ZFHX3: variants seen among roughly 807,000 people sequenced by gnomAD.
The protein encoded by ZFHX3 is zinc finger homeobox protein 3.
ZFHX3 carries 42 observed loss-of-function variants against 279.1 expected under a neutral mutation model. That is an observed-to-expected ratio of 0.15 (90% CI 0.12 to 0.19). The LOEUF (loss-of-function observed/expected upper bound fraction) is 0.19. ZFHX3 is among the 10% of genes least tolerant of loss of function. ZFHX3 has a pLI of 1.00. For missense variants in ZFHX3, 4,981 were observed against 4,754.0 expected (o/e 1.05, Z -1.40); for synonymous variants, 2,293 against 1,957.8 (o/e 1.17, Z -4.52).
chr16:73,775,686 T>C (rs1959226905), intron 1 of ZFHX3, among the ~76,000 whole-genome samples: 1 of 152,176 alleles, frequency 6.6e-6, no homozygotes, highest in Non-Finnish European at 1.5e-5. Context: ...CGGCTCTACC[T>C]TACCCCAGAG....
intron 1 of ZFHX3, among the ~76,000 whole-genome samples, chr16:73,695,865 G>C (rs1242995610): frequency 1.3e-5 from 2 of 152,054 alleles, no homozygotes; most frequent in East Asian, 1.9e-4. Context: ...TCACACCCAG[G>C]CTCGGCAAGA....
At chr16:73,599,042 T>A (rs1187364226) in intron 2 of ZFHX3, among the ~76,000 whole-genome samples, 3 of 152,164 alleles carry the variant, frequency 2.0e-5, no homozygotes, top group Admixed American at 6.5e-5. Context: ...ATTACAGGTG[T>A]GAGCCACCAC....
chr16:72,836,929 T>A (rs1484098654), intron 4 of ZFHX3, among the ~76,000 whole-genome samples: 1 of 152,054 alleles, frequency 6.6e-6, no homozygotes, highest in Non-Finnish European at 1.5e-5. Context: ...TCATCAGAAG[T>A]GTAATATTTT....
At chr16:72,996,115 CA>C (rs1214001814) in intron 1 of ZFHX3, among the ~76,000 whole-genome samples, 1 of 151,668 alleles carries the variant, frequency 6.6e-6, no homozygotes, top group African/African-American at 2.4e-5. Context: ...TAAACACACA[CA>C]CACACACACA....
chr16:73,607,319 G>C (rs7201470), intron 2 of ZFHX3, among the ~76,000 whole-genome samples: 21,560 of 152,176 alleles, frequency 0.14, 2,105 homozygotes, highest in African/African-American at 0.27. Context: ...GAGCCACCAT[G>C]CCCAGCCGAT....
At chr16:72,820,423 A>G (rs747428531) in intron 5 of ZFHX3, among the ~76,000 whole-genome samples, 1 of 152,216 alleles carries the variant, frequency 6.6e-6, no homozygotes, top group Non-Finnish European at 1.5e-5. Flanking sequence ...TCAGGTTTGC[A>G]AATGAACCAC....
At chr16:73,870,470 C>T (rs1220044980) in intron 1 of ZFHX3, among the ~76,000 whole-genome samples, 1 of 152,176 alleles carries the variant, frequency 6.6e-6, no homozygotes, top group Non-Finnish European at 1.5e-5. Flanking sequence ...AAAGCCAAAG[C>T]GGCTTCACAC....
chr16:73,780,071 G>GGAC (rs1959405654), intron 1 of ZFHX3, among the ~76,000 whole-genome samples: 1 of 138,384 alleles, frequency 7.2e-6, no homozygotes, highest in East Asian at 2.4e-4. Context: ...CTGCCACCAG[G>GGAC]GACTCCTTCC....
At chr16:73,598,182 T>C (rs777654748) in intron 2 of ZFHX3, among the ~76,000 whole-genome samples, 2 of 152,150 alleles carry the variant, frequency 1.3e-5, no homozygotes, top group African/African-American at 2.4e-5. Context: ...ATGAGACATA[T>C]AAGACTTCTC....
At chr16:73,541,682 TGAGA>T (rs955745948) in intron 2 of ZFHX3, among the ~76,000 whole-genome samples, 3 of 151,422 alleles carry the variant, frequency 2.0e-5, no homozygotes, top group African/African-American at 4.9e-5. Flanking sequence ...GACGCTTGGA[TGAGA>T]GAGAGGCGGC....
At chr16:73,884,329 C>T (rs2030277708) in intron 1 of ZFHX3, among the ~76,000 whole-genome samples, 1 of 152,038 alleles carries the variant, frequency 6.6e-6, no homozygotes, top group African/African-American at 2.4e-5. Context: ...ATAAAGAAGT[C>T]CTGAAAAACT....
intron 2 of ZFHX3, among the ~76,000 whole-genome samples, chr16:73,616,116 G>A (rs1279477475): frequency 6.6e-6 from 1 of 151,886 alleles, no homozygotes; most frequent in African/African-American, 2.4e-5. Flanking sequence ...TCACCACTCT[G>A]GGGCTCTCTG....
chr16:73,563,170 T>TTGTGTGTG (rs200933190), intron 2 of ZFHX3, among the ~76,000 whole-genome samples: 107 of 134,952 alleles, frequency 7.9e-4, no homozygotes, highest in East Asian at 2.5e-3. Flanking sequence ...TTTTGTTTTG[T>TTGTGTGTG]TGTGTGTGTG....
chr16:73,641,990 G>C (rs535902753), intron 2 of ZFHX3, among the ~76,000 whole-genome samples: 7 of 151,890 alleles, frequency 4.6e-5, no homozygotes, highest in African/African-American at 1.7e-4. Context: ...ATGCTCCTCC[G>C]ACTCCTCCCT....
Position 72,795,663 on chromosome 16 carries a change from A to G in ZFHX3, c.7019T>C (p.Ile2340Thr). 1 of 1,614,026 alleles carries G rather than the reference A, an allele frequency of 6.2e-7. No individual in the cohort carries two copies. The highest frequency in any genetic ancestry group is 1.1e-5 in the South Asian group (1 of 91,070). ...CTTCTGGTGCTTGATGAGATCAAAG[A>G]TGCGCTGAAACACCAGGCTACATTT... is the stretch of plus-strand genomic sequence containing the variant. ...CKKCSLVFQR[I>T]FDLIKHQKKL... Residue 2340 changes from isoleucine to threonine, a missense_variant, in exon 9 of 10, where the codon ATC becomes ACC. Physicochemically the swap from Ile to Thr is moderately conservative, Grantham distance 89 (BLOSUM62 -1). Coordinates refer to ENST00000268489, the MANE Select transcript of ZFHX3 (RefSeq NM_006885.4).
At chr16:73,722,075 T>C (rs1220142544) in intron 1 of ZFHX3, among the ~76,000 whole-genome samples, 1 of 152,090 alleles carries the variant, frequency 6.6e-6, no homozygotes, top group East Asian at 1.9e-4. Context: ...AAACAGAACA[T>C]TATTCATCCA....
At chr16:73,031,828 A>G (rs1026279901) in intron 1 of ZFHX3, among the ~76,000 whole-genome samples, 1 of 152,140 alleles carries the variant, frequency 6.6e-6, no homozygotes, top group Admixed American at 6.5e-5. Flanking sequence ...AGGAGAGGGC[A>G]GAGGTGTGGA....
chr16:73,713,642 T>G (rs2729615), intron 1 of ZFHX3, among the ~76,000 whole-genome samples: 1 of 150,444 alleles, frequency 6.6e-6, no homozygotes, highest in Admixed American at 6.6e-5. Flanking sequence ...TTTTTTTTTT[T>G]TATACTCTAG....
At chr16:73,714,941 A>G (rs2053399834) in intron 1 of ZFHX3, among the ~76,000 whole-genome samples, 1 of 152,190 alleles carries the variant, frequency 6.6e-6, no homozygotes, top group Admixed American at 6.5e-5. Flanking sequence ...CTAGAGTCTC[A>G]TCTCCTCGGA....
Sources: gnomAD v4.1 joint callset for allele counts (sites outside exome capture counted in the v4.1 genomes callset) on GRCh38, gnomAD v4.1.1 for gene constraint, MANE v1.5 for transcripts, NCBI Gene and HGNC (gene_info 2026-07-23, HGNC 2026-07-21) for gene names.